The following SGCZ variants were observed in gnomAD, a reference collection of about 807,000 sequenced individuals.
The protein encoded by SGCZ is zeta-sarcoglycan.
Under a neutral mutation model 41.3 loss-of-function variants are expected in SGCZ, and 40 were observed. The observed-to-expected ratio is 0.97, with a 90% CI of 0.75 to 1.26. The LOEUF (loss-of-function observed/expected upper bound fraction) is 1.26. Ranked by LOEUF, SGCZ falls within the 50% of genes most tolerant of loss-of-function variation. The pLI is 0.00. For missense variants in SGCZ, 552 were observed against 369.8 expected (o/e 1.49, Z -4.04); for synonymous variants, 206 against 137.5 (o/e 1.50, Z -3.49).
chr8:14,522,965 C>A (rs1242368938), intron 2 of SGCZ, among the ~76,000 whole-genome samples: 1 of 151,568 alleles, frequency 6.6e-6, no homozygotes, highest in Non-Finnish European at 1.5e-5. Context: ...ATTTTTAGTG[C>A]ATCTCTTTGT....
At chr8:14,106,941 G>C (rs1802221324) in intron 6 of SGCZ, among the ~76,000 whole-genome samples, 1 of 152,160 alleles carries the variant, frequency 6.6e-6, no homozygotes, top group South Asian at 2.1e-4. Context: ...AACAGGCTAG[G>C]CGCGGTGGCT....
At chr8:14,648,548 C>CA (rs1316093566) in intron 1 of SGCZ, among the ~76,000 whole-genome samples, 1 of 151,898 alleles carries the variant, frequency 6.6e-6, no homozygotes, top group Non-Finnish European at 1.5e-5. Context: ...TGGAATACAG[C>CA]AAAAAATGAA....
At chr8:14,623,474 A>G (rs1335176835) in intron 1 of SGCZ, among the ~76,000 whole-genome samples, 1 of 152,184 alleles carries the variant, frequency 6.6e-6, no homozygotes, top group Non-Finnish European at 1.5e-5. Flanking sequence ...GTTTTTCTGG[A>G]TAATAGGAAA....
intron 1 of SGCZ, among the ~76,000 whole-genome samples, chr8:14,575,229 T>G (rs1338632527): frequency 1.3e-5 from 2 of 152,264 alleles, no homozygotes; most frequent in African/African-American, 2.4e-5. Flanking sequence ...TTCCAGATGC[T>G]TATATAGGGG....
chr8:14,609,930 C>T (rs1249333626), intron 1 of SGCZ, among the ~76,000 whole-genome samples: 9 of 152,080 alleles, frequency 5.9e-5, no homozygotes, highest in Non-Finnish European at 1.2e-4. Flanking sequence ...TTTAATGAGT[C>T]AGTAAATAAG....
At chr8:14,825,230 C>T (rs531102605) in intron 1 of SGCZ, among the ~76,000 whole-genome samples, 108 of 152,236 alleles carry the variant, frequency 7.1e-4, no homozygotes, top group South Asian at 2.1e-3. Context: ...CCTTTTATAG[C>T]TTCCCATCTG....
intron 1 of SGCZ, among the ~76,000 whole-genome samples, chr8:14,792,553 T>C (rs190836573): frequency 6.6e-6 from 1 of 152,032 alleles, no homozygotes; most frequent in Admixed American, 6.6e-5. Flanking sequence ...TTAGCATCTT[T>C]CTTTTTTTAT....
intron 4 of SGCZ, 93 bp downstream of exon 4, chr8:14,237,488 AACAACAACAAC>A: frequency 9.3e-7 from 1 of 1,079,564 alleles, no homozygotes; most frequent in African/African-American, 1.7e-5. Context: ...GTCTCAAAAC[AACAACAACAAC>A]AACAACAACG....
intron 1 of SGCZ, among the ~76,000 whole-genome samples, chr8:14,892,470 T>C (rs1805051369): frequency 6.6e-6 from 1 of 152,180 alleles, no homozygotes; most frequent in Admixed American, 6.5e-5. Flanking sequence ...AGTCTGGAAA[T>C]TCTAGCAAGC....
intron 1 of SGCZ, among the ~76,000 whole-genome samples, chr8:14,656,350 C>A (rs1807569126): frequency 6.6e-6 from 1 of 150,802 alleles, no homozygotes; most frequent in Admixed American, 6.6e-5. Context: ...TTCCTTCTCT[C>A]CTTCCTTCTT....
chr8:14,642,107 G>A (rs374222676), intron 1 of SGCZ, among the ~76,000 whole-genome samples: 3 of 151,574 alleles, frequency 2.0e-5, no homozygotes, highest in Non-Finnish European at 4.4e-5. Flanking sequence ...AAAAGCACCA[G>A]GAGTCTCAGA....
chr8:14,614,395 T>A (rs1806027744), intron 1 of SGCZ, among the ~76,000 whole-genome samples: 1 of 152,138 alleles, frequency 6.6e-6, no homozygotes, highest in Non-Finnish European at 1.5e-5. Flanking sequence ...AATAAAAAAA[T>A]GTAAACTAAA....
In SGCZ at chr8:14,717,996, G is replaced by GATATATATATATATATATATATAT. The variant is rs140343071; in HGVS notation, c.40-163071_40-163070insATATATATATATATATATATATAT. Among the ~76,000 whole-genome samples the GATATATATATATATATATATATAT allele has an allele frequency of 7.9e-3, 1,140 of 144,720 alleles. 20 individuals carry two copies. Among genetic ancestry groups the GATATATATATATATATATATATAT allele is most frequent in the African/African-American group, 0.022 (837 of 37,484 alleles). 94.9% of individuals were successfully genotyped at this position (144,720 alleles called of 152,430 possible). ...TGGATAAATGTAAATTCTAAAATAAGATATATATATATATGTAATATGGCT... is the reference window on the plus strand; with the variant it reads ...TGGATAAATGTAAATTCTAAAATAAGATATATATATATATATATATATATATATATATATATATGTAATATGGCT... On this transcript the variant is annotated intron_variant, in intron 1 of 7. Coordinates refer to ENST00000382080, the MANE Select transcript of SGCZ (RefSeq NM_139167.4).
At chr8:15,041,545 A>T (rs949021120) in intron 1 of SGCZ, among the ~76,000 whole-genome samples, 2 of 152,134 alleles carry the variant, frequency 1.3e-5, no homozygotes, top group African/African-American at 4.8e-5. Flanking sequence ...TACACCTAGA[A>T]AGCGGGTTAA....
chr8:14,207,153 T>G (rs1563185475), intron 4 of SGCZ, among the ~76,000 whole-genome samples: 1 of 152,334 alleles, frequency 6.6e-6, no homozygotes, highest in East Asian at 1.9e-4. Context: ...TGGTGGCTAT[T>G]CTTTTTTGCT....
chr8:14,241,101 G>C (rs929004079), intron 3 of SGCZ, among the ~76,000 whole-genome samples: 3 of 151,968 alleles, frequency 2.0e-5, no homozygotes, highest in African/African-American at 7.2e-5. Context: ...TCTTGTGTTT[G>C]TTTCTCCAAA....
At chr8:14,477,602 C>T (rs1345122018) in intron 2 of SGCZ, among the ~76,000 whole-genome samples, 3 of 152,106 alleles carry the variant, frequency 2.0e-5, no homozygotes, top group Non-Finnish European at 4.4e-5. Flanking sequence ...ACAATATATA[C>T]AAAAGGTTAA....
intron 4 of SGCZ, among the ~76,000 whole-genome samples, chr8:14,204,916 T>C (rs1365166877): frequency 2.6e-5 from 4 of 152,052 alleles, no homozygotes; most frequent in African/African-American, 7.2e-5. Context: ...CTGAGCCTTG[T>C]TACTGGAATT....
intron 5 of SGCZ, among the ~76,000 whole-genome samples, chr8:14,116,712 G>A (rs1038056148): frequency 4.6e-5 from 7 of 151,976 alleles, no homozygotes; most frequent in Admixed American, 1.3e-4. Context: ...TGTAATTCAT[G>A]TATACCGATA....
Sources: gnomAD v4.1 joint callset for allele counts (sites outside exome capture counted in the v4.1 genomes callset) on GRCh38, gnomAD v4.1.1 for gene constraint, MANE v1.5 for transcripts, NCBI Gene and HGNC (gene_info 2026-07-23, HGNC 2026-07-21) for gene names.